Variants in CDH12 observed in about 807,000 individuals in gnomAD.
CDH12 encodes the protein cadherin 12, also known as cadherin-12.
Under a neutral mutation model 74.1 loss-of-function variants are expected in CDH12, and 41 were observed. The observed-to-expected ratio is 0.55, with a 90% CI of 0.43 to 0.72. The LOEUF (loss-of-function observed/expected upper bound fraction) is 0.72. Among genes scored for constraint, CDH12 ranks in the 30% least tolerant of loss-of-function variants. The pLI, the probability that CDH12 is intolerant of heterozygous loss-of-function variation, is 0.00. For synonymous variants in CDH12, 399 were observed against 355.0 expected, an observed-to-expected ratio of 1.12 and a Z score of -1.39; for missense variants, 945 against 977.2, an observed-to-expected ratio of 0.97 and a Z score of 0.44.
chr5:22,787,264 C>T (rs556221098), intron 1 of CDH12, among the ~76,000 whole-genome samples: 1 of 152,216 alleles, frequency 6.6e-6, no homozygotes, highest in African/African-American at 2.4e-5. Flanking sequence ...TCTTCTATAA[C>T]ATTCTGTCCT....
At chr5:22,115,689 CTTTTTTTT>C (rs10669028) in intron 4 of CDH12, among the ~76,000 whole-genome samples, 3 of 110,482 alleles carry the variant, frequency 2.7e-5, no homozygotes, top group East Asian at 2.6e-4. Context: ...GTCCTCGCGA[CTTTTTTTT>C]TTTTTTTTTT....
At chr5:22,284,428 C>A (rs1255355887) in intron 3 of CDH12, among the ~76,000 whole-genome samples, 1 of 152,068 alleles carries the variant, frequency 6.6e-6, no homozygotes, top group Non-Finnish European at 1.5e-5. Flanking sequence ...TGGAGTATTT[C>A]TAAGATCACA....
chr5:22,721,301 G>A (rs1211411219), intron 1 of CDH12, among the ~76,000 whole-genome samples: 5 of 152,236 alleles, frequency 3.3e-5, no homozygotes, highest in African/African-American at 4.8e-5. Flanking sequence ...GCCCTGGGAT[G>A]TGAGACATGA....
intron 4 of CDH12, among the ~76,000 whole-genome samples, chr5:22,149,522 T>C (rs533750523): frequency 2.2e-4 from 34 of 152,202 alleles, no homozygotes; most frequent in Non-Finnish European, 3.7e-4. Context: ...ACTCAGTCAA[T>C]GCAGAATAAG....
At chr5:22,544,448 T>C (rs2126723849) in intron 1 of CDH12, among the ~76,000 whole-genome samples, 1 of 152,302 alleles carries the variant, frequency 6.6e-6, no homozygotes, top group Non-Finnish European at 1.5e-5. Flanking sequence ...AATCATTCTG[T>C]ACAAAGATTA....
At chr5:21,943,372 T>A (rs572899820) in intron 6 of CDH12, among the ~76,000 whole-genome samples, 1 of 152,346 alleles carries the variant, frequency 6.6e-6, no homozygotes, top group Non-Finnish European at 1.5e-5. Context: ...TCTCAAAATT[T>A]TATGCAACCA....
At chr5:22,462,691 GC>G (rs1042767277) in intron 2 of CDH12, among the ~76,000 whole-genome samples, 1 of 152,112 alleles carries the variant, frequency 6.6e-6, no homozygotes, top group Non-Finnish European at 1.5e-5. Context: ...AACAAATTCT[GC>G]CCATGGGAAT....
chr5:22,312,374 A>G (rs917272649), intron 3 of CDH12, among the ~76,000 whole-genome samples: 1 of 152,200 alleles, frequency 6.6e-6, no homozygotes, highest in Admixed American at 6.5e-5. Context: ...AAAATGTTAG[A>G]TAACTCTCGA....
At chr5:22,023,849 C>G (rs747188515) in intron 5 of CDH12, among the ~76,000 whole-genome samples, 16 of 152,184 alleles carry the variant, frequency 1.1e-4, no homozygotes, top group Non-Finnish European at 1.6e-4. Flanking sequence ...TGTAGTAACC[C>G]AAGTTAGAGC....
At chr5:21,766,087 A>G (rs948027031) in intron 11 of CDH12, among the ~76,000 whole-genome samples, 12 of 151,992 alleles carry the variant, frequency 7.9e-5, no homozygotes. Flanking sequence ...AAAGCCACCA[A>G]AGACTTATAA....
intron 8 of CDH12, among the ~76,000 whole-genome samples, chr5:21,828,095 C>A (rs1453171953): frequency 5.3e-5 from 8 of 151,788 alleles, no homozygotes; most frequent in Admixed American, 2.0e-4. Flanking sequence ...AAATTTAACA[C>A]CTTACAAAAT....
At chr5:22,719,187 C>T (rs1217215960) in intron 1 of CDH12, among the ~76,000 whole-genome samples, 1 of 152,058 alleles carries the variant, frequency 6.6e-6, no homozygotes, top group African/African-American at 2.4e-5. Flanking sequence ...GTTGTGGACA[C>T]TAAAAGGCAT....
At chr5:22,417,318 A>C (rs1743439918) in intron 2 of CDH12, among the ~76,000 whole-genome samples, 1 of 152,196 alleles carries the variant, frequency 6.6e-6, no homozygotes, top group Non-Finnish European at 1.5e-5. Context: ...TCAAGAGGTG[A>C]TTAGGTTATG....
intron 4 of CDH12, among the ~76,000 whole-genome samples, chr5:22,175,383 G>T (rs1161335911): frequency 6.6e-6 from 1 of 151,624 alleles, no homozygotes; most frequent in East Asian, 1.9e-4. Context: ...TGTCTATCAG[G>T]TTATTCTGTT....
intron 1 of CDH12, chr5:22,580,256 C>T: frequency 2.8e-6 from 1 of 353,926 alleles, no homozygotes; most frequent in Non-Finnish European, 5.7e-6. Context: ...CTTCATGTCT[C>T]AGATAATCAT....
At chr5:22,693,646 T>C (rs1742200365) in intron 1 of CDH12, among the ~76,000 whole-genome samples, 1 of 152,172 alleles carries the variant, frequency 6.6e-6, no homozygotes, top group Non-Finnish European at 1.5e-5. Context: ...ACAGAGATAA[T>C]GTATATACAT....
chr5:22,394,260 C>G (rs879942061), intron 3 of CDH12, among the ~76,000 whole-genome samples: 1 of 152,048 alleles, frequency 6.6e-6, no homozygotes, highest in Non-Finnish European at 1.5e-5. Context: ...ATGGAGGACT[C>G]TCGTCTAATG....
At chr5:22,692,721 A>T (rs1742148835) in intron 1 of CDH12, among the ~76,000 whole-genome samples, 1 of 152,156 alleles carries the variant, frequency 6.6e-6, no homozygotes, top group Admixed American at 6.5e-5. Flanking sequence ...TTATTAGAGA[A>T]TCCTTGTATG....
chr5:22,160,306 G>A (rs1422492554), intron 4 of CDH12, among the ~76,000 whole-genome samples: 2 of 152,170 alleles, frequency 1.3e-5, no homozygotes, highest in African/African-American at 4.8e-5. Context: ...TATGTTAGAT[G>A]TGTTTCCCAA....
Sources: allele counts gnomAD v4.1 joint callset (sites outside exome capture counted in the v4.1 genomes callset), GRCh38; gene constraint gnomAD v4.1.1; transcripts MANE v1.5; gene names NCBI Gene and HGNC (gene_info 2026-07-23, HGNC 2026-07-21).